Variants in PTPRZ1 observed in about 807,000 individuals in gnomAD.
PTPRZ1 encodes protein tyrosine phosphatase receptor type Z1.
PTPRZ1 carries 82 observed loss-of-function variants against 214.1 expected under a neutral mutation model. The ratio of observed to expected loss-of-function variants is 0.38; its 90% confidence interval spans 0.32 to 0.46. PTPRZ1 has a LOEUF of 0.46. Among genes scored for constraint, PTPRZ1 ranks in the 20% least tolerant of loss-of-function variants. The probability of loss-of-function intolerance (pLI) is 1.00; values close to 1 mark genes in which losing one functional copy is unlikely to be tolerated. For synonymous variants in PTPRZ1, 945 were observed against 987.9 expected, an observed-to-expected ratio of 0.96 and a Z score of 0.81; for missense variants, 2,603 against 2,748.7, an observed-to-expected ratio of 0.95 and a Z score of 1.19.
At chr7:121,898,498 A>G (rs1794870051) in intron 1 of PTPRZ1, among the ~76,000 whole-genome samples, 1 of 152,200 alleles carries the variant, frequency 6.6e-6, no homozygotes, top group South Asian at 2.1e-4. Context: ...TGTATTTTCT[A>G]GAGAATGAGA....
intron 2 of PTPRZ1, among the ~76,000 whole-genome samples, chr7:121,965,959 G>A (rs1178920945): frequency 6.6e-6 from 1 of 152,130 alleles, no homozygotes; most frequent in African/African-American, 2.4e-5. Flanking sequence ...CTAGGTGATG[G>A]CGATATTGCT....
At position 122,051,501 on chromosome 7, in the gene PTPRZ1, G is replaced by T; in HGVS notation, c.6158G>T (p.Arg2053Leu). The change falls in exon 24 of 30, where the codon CGA becomes CTA. Residue 2053 changes from arginine to leucine, a missense_variant. Arg to Leu is a moderately radical substitution (Grantham distance 102). Transcript: ENST00000393386. ...AAGCAATGCAACAGGGAAAAGAATC[G>T]AACTTCTTCTATCATCCCTGGTAAG... ...ALKQCNREKN[R>L]TSSIIPVERS... 6.2e-7 allele frequency: 1 copy of T among 1,613,040 alleles called. No individual in the cohort carries two copies. The highest frequency in any genetic ancestry group is 1.3e-5 in the African/African-American group (1 of 74,960).
At position 122,055,009 on chromosome 7, in the gene PTPRZ1, T is replaced by A. The variant is rs1285496246; in HGVS notation, c.6450T>A (p.Thr2150=). ...EPINCESFKV[T]LMAEEHKCLS... is the part of the protein sequence containing the mutation. ...TAAATTGTGAGAGCTTTAAGGTCACTCTTATGGCTGAAGAACACAAATGTC... is the reference window on the plus strand; with the variant it reads ...TAAATTGTGAGAGCTTTAAGGTCACACTTATGGCTGAAGAACACAAATGTC... Residue 2150 remains threonine, a synonymous_variant, in exon 27 of 30, where the codon ACT becomes ACA. Transcript: ENST00000393386. 8.7e-6 allele frequency: 14 copies of A among 1,606,902 alleles called. No individual in the cohort carries two copies. Among genetic ancestry groups the A allele is most frequent in the Non-Finnish European group, 1.2e-5 (14 of 1,174,544 alleles).
At chr7:121,979,070 TA>T (rs5887064) in intron 6 of PTPRZ1, among the ~76,000 whole-genome samples, 146,589 of 149,848 alleles carry the variant, frequency 0.98, 71,720 homozygotes, top group East Asian at 1. Context: ...TGTAAGTTAT[TA>T]AAAAAAAAAA....
At chr7:121,893,131 C>G (rs1364272012) in intron 1 of PTPRZ1, among the ~76,000 whole-genome samples, 1 of 151,888 alleles carries the variant, frequency 6.6e-6, no homozygotes, top group Non-Finnish European at 1.5e-5. Context: ...AATGATTGCC[C>G]TATACAAATG....
intron 13 of PTPRZ1, among the ~76,000 whole-genome samples, chr7:122,023,609 A>G (rs1158416387): frequency 7.6e-6 from 1 of 131,768 alleles, no homozygotes; most frequent in African/African-American, 2.9e-5. Flanking sequence ...ATAATTTTAT[A>G]TATAATTATA....
intron 1 of PTPRZ1, among the ~76,000 whole-genome samples, chr7:121,885,739 T>C (rs1794375944): frequency 6.6e-6 from 1 of 152,144 alleles, no homozygotes; most frequent in Admixed American, 6.6e-5. Flanking sequence ...CAATTCCCTA[T>C]TTGGAAGGAG....
At chr7:122,044,694 C>T (rs1799831283) in intron 23 of PTPRZ1, 126 bp downstream of exon 23, 9 of 980,726 alleles carry the variant, frequency 9.2e-6, no homozygotes, top group East Asian at 8.0e-5. Flanking sequence ...TTTGAGCCAT[C>T]GTTGTTCCTT....
At chr7:121,881,856 CATA>C (rs1794249181) in intron 1 of PTPRZ1, among the ~76,000 whole-genome samples, 1 of 152,204 alleles carries the variant, frequency 6.6e-6, no homozygotes, top group Admixed American at 6.5e-5. Flanking sequence ...GACACAAGCA[CATA>C]ATATCGTTCA....
At chr7:121,942,732 T>C (rs1796266775) in intron 2 of PTPRZ1, among the ~76,000 whole-genome samples, 1 of 152,206 alleles carries the variant, frequency 6.6e-6, no homozygotes, top group African/African-American at 2.4e-5. Context: ...ATTTAATGAT[T>C]TTGGAGTTAT....
chr7:121,952,060 G>T (rs1796561138), intron 2 of PTPRZ1, among the ~76,000 whole-genome samples: 1 of 151,412 alleles, frequency 6.6e-6, no homozygotes. Context: ...CCGGGTTCAC[G>T]CCATTCTCCT....
chr7:122,055,154 GAT>G, intron 27 of PTPRZ1, 67 bp downstream of exon 27: 1 of 1,272,414 alleles, frequency 7.9e-7, no homozygotes, highest in Admixed American at 2.7e-5. Flanking sequence ...CTGACCTAAG[GAT>G]CTGTCCTAGA....
chr7:122,059,937 A>T (rs753385397), intron 29 of PTPRZ1, 49 bp downstream of exon 29: 1 of 1,564,434 alleles, frequency 6.4e-7, no homozygotes. Context: ...GAGTACAACT[A>T]ACTTCCTAGA....
intron 11 of PTPRZ1, among the ~76,000 whole-genome samples, chr7:122,007,858 G>T (rs1018683980): frequency 2.0e-5 from 3 of 152,076 alleles, no homozygotes; most frequent in Admixed American, 2.0e-4. Context: ...AATATTTGTA[G>T]TCAGATATGA....
Position 122,019,144 on chromosome 7 carries a change from G to C in PTPRZ1, c.4864G>C (p.Glu1622Gln). ...TACAGAGGCCAGTAATAGTAGCCAT[G>C]AGTCTCGTATTGGTCTAGCTGAGGG... ...SEAEASNSSH[E>Q]SRIGLAEGLE... is the part of the protein sequence containing the mutation. The change falls in exon 13 of 30, where the codon GAG becomes CAG. Residue 1622 changes from glutamate to glutamine, a missense_variant. Glu to Gln is a conservative substitution (Grantham distance 29). Around this residue, in one of 6 missense-constraint regions of PTPRZ1, gnomAD observed 1,913 missense variants for 1,914.3 expected, o/e 1.00. Coordinates refer to ENST00000393386, the MANE Select transcript of PTPRZ1 (RefSeq NM_002851.3). 1 of 1,611,880 alleles carries C rather than the reference G, an allele frequency of 6.2e-7. No individual in the cohort carries two copies. The highest frequency in any genetic ancestry group is 1.1e-5 in the South Asian group (1 of 90,978).
rs117916843 is a variant in PTPRZ1, at chr7:122,054,752, T to C, written c.6382-189T>C. Among the ~76,000 whole-genome samples, 642 of 152,256 alleles carry C rather than the reference T, an allele frequency of 4.2e-3. 3 individuals are homozygous for C. The highest frequency in any genetic ancestry group is 0.01 in the Middle Eastern group (3 of 294). ...ATAATAAAGCAATAGTTTGGGTTCC[T>C]AAGTGTGATATTTTATTCAGCACAT... On this transcript the variant is annotated intron_variant, in intron 26 of 29. Transcript: ENST00000393386.
At position 122,011,135 on chromosome 7, in the gene PTPRZ1, C is replaced by T. The variant is rs1207295050; in HGVS notation, c.2089C>T (p.Pro697Ser). The T allele has an allele frequency of 1.2e-6, 2 of 1,613,956 alleles. No individual in the cohort carries two copies. The highest frequency in any genetic ancestry group is 1.7e-6 in the Non-Finnish European group (2 of 1,179,994). ...EKTTKSFSAG[P>S]VMSQGPSVTD... ...GACAACCAAGTCCTTTTCTGCAGGCCCAGTGATGTCACAGGGTCCCTCAGT... is the reference window on the plus strand; with the variant it reads ...GACAACCAAGTCCTTTTCTGCAGGCTCAGTGATGTCACAGGGTCCCTCAGT... The change falls in exon 12 of 30, where the codon CCA becomes TCA. Residue 697 changes from proline to serine, a missense_variant. Physicochemically the swap from Pro to Ser is moderately conservative, Grantham distance 74. Transcript: ENST00000393386.
Position 122,011,509 on chromosome 7 carries a change from A to G in PTPRZ1, c.2463A>G (p.Pro821=), listed in dbSNP as rs1562860956. The change falls in exon 12 of 30, where the codon CCA becomes CCG. Residue 821 remains proline, a synonymous_variant. Coordinates refer to ENST00000393386, the MANE Select transcript of PTPRZ1 (RefSeq NM_002851.3). ...CCTATGATGGTGCACCTTTGCTTCC[A>G]TTTTCCTCTGCTTCCTTCAGTAGTG... ...LSSYDGAPLL[P]FSSASFSSEL... is the part of the protein sequence containing the mutation. 6.2e-7 allele frequency: 1 copy of G among 1,613,778 alleles called. No homozygotes were observed. Among genetic ancestry groups the G allele is most frequent in the East Asian group, 2.2e-5 (1 of 44,862 alleles).
intron 2 of PTPRZ1, among the ~76,000 whole-genome samples, chr7:121,944,798 A>G (rs1014744786): frequency 6.6e-6 from 1 of 151,938 alleles, no homozygotes; most frequent in African/African-American, 2.4e-5. Context: ...AGGCACCACC[A>G]TGTCCAGCTA....
Sources: allele counts gnomAD v4.1 joint callset (sites outside exome capture counted in the v4.1 genomes callset), GRCh38; gene constraint gnomAD v4.1.1; regional missense constraint gnomAD v4.1.1; transcripts MANE v1.5; gene names NCBI Gene and HGNC (gene_info 2026-07-23, HGNC 2026-07-21).